ZNF516: variants seen among roughly 807,000 people sequenced by gnomAD.
ZNF516 encodes zinc finger protein 516.
In ZNF516, 19 loss-of-function variants were observed where a neutral mutation model predicts 79.7. That is an observed-to-expected ratio of 0.24 (90% CI 0.17 to 0.35). ZNF516 has a LOEUF of 0.35. ZNF516 is among the 10% of genes least tolerant of loss of function. The probability of loss-of-function intolerance (pLI) is 1.00; values close to 1 mark genes in which losing one functional copy is unlikely to be tolerated. For synonymous variants in ZNF516, 877 were observed against 739.5 expected, an observed-to-expected ratio of 1.19 and a Z score of -3.02; for missense variants, 1,678 against 1,679.5, an observed-to-expected ratio of 1.00 and a Z score of 0.02.
At chr18:76,428,496 T>C (rs2075623602) in intron 3 of ZNF516, among the ~76,000 whole-genome samples, 1 of 151,922 alleles carries the variant, frequency 6.6e-6, no homozygotes, top group African/African-American at 2.4e-5. Flanking sequence ...TAATGAAATT[T>C]GGAAAGGACC....
At chr18:76,487,885 G>A in intron 1 of ZNF516, 1 of 976,572 alleles carries the variant, frequency 1.0e-6, no homozygotes, top group Non-Finnish European at 1.2e-6. Context: ...CTTTCGGCCA[G>A]TCAGGTGGAA....
At chr18:76,480,524 C>T (rs7244016) in intron 1 of ZNF516, among the ~76,000 whole-genome samples, 75,580 of 116,314 alleles carry the variant, frequency 0.65, 20,974 homozygotes, top group East Asian at 0.73. Context: ...CACACACACA[C>T]ATATATTTTT....
intron 5 of ZNF516, 110 bp downstream of exon 5, chr18:76,371,357 G>A (rs551087451): frequency 1.7e-6 from 2 of 1,147,214 alleles, no homozygotes; most frequent in South Asian, 1.5e-5. Flanking sequence ...CCGCCGCCTG[G>A]TAGGGGCTGA....
chr18:76,427,705 G>A (rs900073534), intron 3 of ZNF516, among the ~76,000 whole-genome samples: 7 of 152,114 alleles, frequency 4.6e-5, no homozygotes, highest in Non-Finnish European at 8.8e-5. Flanking sequence ...GAAACCAACA[G>A]AACGTATTCA....
chr18:76,423,923 A>AAC, intron 3 of ZNF516, among the ~76,000 whole-genome samples: 1 of 87,914 alleles, frequency 1.1e-5, no homozygotes. Context: ...TCCCTCCTGA[A>AAC]ACACACATGC....
intron 6 of ZNF516, among the ~76,000 whole-genome samples, chr18:76,367,554 C>G (rs1300337937): frequency 6.6e-6 from 1 of 152,182 alleles, no homozygotes; most frequent in Admixed American, 6.5e-5. Context: ...CCCAGTTCCT[C>G]CAGTGGAATG....
chr18:76,364,510 T>A (rs1165002506), intron 6 of ZNF516, among the ~76,000 whole-genome samples: 1 of 152,218 alleles, frequency 6.6e-6, no homozygotes, highest in African/African-American at 2.4e-5. Flanking sequence ...AGCTGTGAAC[T>A]GTGGGCTTTT....
intron 2 of ZNF516, among the ~76,000 whole-genome samples, chr18:76,444,894 G>A (rs1911948759): frequency 6.6e-6 from 1 of 152,228 alleles, no homozygotes; most frequent in African/African-American, 2.4e-5. Flanking sequence ...ACCTTATCAA[G>A]AATTATAGGC....
rs1911858164 is a variant in ZNF516 at position 76,443,478 on chromosome 18, G to GT, written c.-157-268dup. Among the ~76,000 whole-genome samples the GT allele has an allele frequency of 2.0e-5, 3 of 152,116 alleles. 1 individual carries two copies. In the South Asian group the frequency reaches 6.2e-4, roughly 32 times the overall value. ...AAAATAATTTTCTTTTCCCAATAAG[G>GT]TATCAAATCTTTAGGAGAGACTGTA... On this transcript the variant is annotated intron_variant, in intron 2 of 6. Coordinates refer to ENST00000443185, the MANE Select transcript of ZNF516 (RefSeq NM_014643.4).
intron 1 of ZNF516, chr18:76,490,831 T>A (rs1265391097): frequency 1.0e-6 from 1 of 985,480 alleles, no homozygotes; most frequent in Non-Finnish European, 1.2e-6. Flanking sequence ...GCTCCGTCCT[T>A]TGTTACGCAG....
upstream of ZNF516, chr18:76,495,381 G>T (rs1342847333): frequency 6.8e-6 from 1 of 146,678 alleles, no homozygotes; most frequent in East Asian, 2.0e-4. Flanking sequence ...GCGCGAGCCG[G>T]GCTCGGGGGG....
In ZNF516 at chr18:76,451,095, C is replaced by T. The variant is rs779707112; in HGVS notation, c.-157-7884G>A. Reference sequence around the variant, plus strand: ...GGAGCGAGAGGAAAACTGAAAGTCCCGTTTCCTGCACCAAGTCCCCACAAG... The same window carrying T: ...GGAGCGAGAGGAAAACTGAAAGTCCTGTTTCCTGCACCAAGTCCCCACAAG... On this transcript the variant is annotated intron_variant, in intron 2 of 6. Coordinates refer to ENST00000443185, the MANE Select transcript of ZNF516 (RefSeq NM_014643.4). This position sits in a 1 kb window ranked among gnomAD's most constrained non-coding sequence, Gnocchi z 6.0. 1.2e-4 allele frequency among the ~76,000 whole-genome samples: 19 copies of T among 152,192 alleles called. No homozygotes were observed. Among genetic ancestry groups the T allele is most frequent in the Admixed American group, 3.3e-4 (5 of 15,282 alleles).
At position 76,442,713 on chromosome 18, in the gene ZNF516, G is replaced by A. The variant is rs1198553794; in HGVS notation, c.342C>T (p.Cys114=). The A allele has an allele frequency of 5.1e-6, 8 of 1,581,500 alleles. No homozygotes were observed. Among genetic ancestry groups the A allele is most frequent in the South Asian group, 2.3e-5 (2 of 88,214 alleles). The change falls in exon 3 of 7, where the codon TGC becomes TGT. Residue 114 remains cysteine, a synonymous_variant. Transcript: ENST00000443185. The part of the protein sequence containing the change: ...EMRASEGLDA[C]ASPTKSASAC... The stretch of plus-strand genomic sequence containing the variant: ...CCGAGGCGCTCTTGGTGGGGCTGGC[G>A]CAGGCGTCCAGGCCCTCGGAGGCGC...
intron 4 of ZNF516, among the ~76,000 whole-genome samples, chr18:76,375,647 G>GA (rs1420766604): frequency 2.6e-5 from 4 of 151,010 alleles, no homozygotes; most frequent in African/African-American, 9.7e-5. Context: ...CCCAAGATGG[G>GA]AAGGCCCAAG....
chr18:76,377,699 A>G (rs603772), intron 4 of ZNF516, among the ~76,000 whole-genome samples: 124,946 of 151,436 alleles, frequency 0.83, 52,787 homozygotes, highest in Middle Eastern at 0.93. Context: ...TTAAGAAACC[A>G]CAGGCTTACA....
chr18:76,415,592 C>T (rs929749945), intron 3 of ZNF516, among the ~76,000 whole-genome samples: 2 of 152,004 alleles, frequency 1.3e-5, no homozygotes, highest in African/African-American at 2.4e-5. Context: ...TGAAGTGCAA[C>T]GGCTGCAGTG....
At chr18:76,461,649 G>T (rs781238292) in intron 2 of ZNF516, among the ~76,000 whole-genome samples, 1 of 152,174 alleles carries the variant, frequency 6.6e-6, no homozygotes, top group Non-Finnish European at 1.5e-5. Context: ...AACATACATC[G>T]GGTGCTTAAA....
chr18:76,480,324 G>A lies in ZNF516; in HGVS notation c.-272+14820C>T, dbSNP rs62110938. Among the ~76,000 whole-genome samples the A allele has an allele frequency of 1.2e-3, 189 of 152,092 alleles. 1 individual carries two copies. Among genetic ancestry groups the A allele is most frequent in the Non-Finnish European group, 2.0e-3 (136 of 68,012 alleles). ...CCTCTCGATGTGATCACTAGAAAAC[G>A]TAAAGTGATAGACATAGCGTGCATG... On this transcript the variant is annotated intron_variant, in intron 1 of 6. Coordinates refer to ENST00000443185, the MANE Select transcript of ZNF516 (RefSeq NM_014643.4).
At chr18:76,439,963 A>G (rs1362828461) in intron 3 of ZNF516, among the ~76,000 whole-genome samples, 2 of 152,216 alleles carry the variant, frequency 1.3e-5, no homozygotes, top group East Asian at 1.9e-4. Context: ...CAAAAAATCC[A>G]AAAGTGTTCA....
Sources: allele counts gnomAD v4.1 joint callset (sites outside exome capture counted in the v4.1 genomes callset), GRCh38; gene constraint gnomAD v4.1.1; non-coding constraint Gnocchi (gnomAD v3.1); transcripts MANE v1.5; gene names NCBI Gene and HGNC (gene_info 2026-07-23, HGNC 2026-07-21).